Variants in PAX8 observed in about 807,000 individuals in gnomAD.
PAX8 encodes paired box protein Pax-8.
A neutral mutation model predicts 52.4 loss-of-function variants in PAX8; 15 were observed. That is an observed-to-expected ratio of 0.29 (90% CI 0.19 to 0.44). The LOEUF is 0.44. Among genes scored for constraint, PAX8 ranks in the 20% least tolerant of loss-of-function variants. The pLI is 1.00. For synonymous variants in PAX8, 284 were observed against 249.7 expected, an observed-to-expected ratio of 1.14 and a Z score of -1.29; for missense variants, 554 against 602.5, an observed-to-expected ratio of 0.92 and a Z score of 0.84.
intron 2 of PAX8, chr2:113,255,325 G>A (rs1202513285): frequency 1.5e-5 from 2 of 136,950 alleles, no homozygotes; most frequent in African/African-American, 5.5e-5. Context: ...GAGGAGGGAG[G>A]CAGATCTACA....
intron 2 of PAX8, among the ~76,000 whole-genome samples, chr2:113,254,535 C>T (rs1049906021): frequency 1.6e-4 from 25 of 152,158 alleles, no homozygotes; most frequent in African/African-American, 5.8e-4. Context: ...CTCAAGTGAA[C>T]CTTTGCTACC....
chr2:113,239,025 A>G (rs935113222), intron 7 of PAX8: 6 of 151,286 alleles, frequency 4.0e-5, no homozygotes, highest in African/African-American at 1.5e-4. Flanking sequence ...AATAGCAACC[A>G]GGAATAAGGC....
At chr2:113,220,802 G>A (rs938545916) in intron 10 of PAX8, among the ~76,000 whole-genome samples, 1 of 152,206 alleles carries the variant, frequency 6.6e-6, no homozygotes, top group Non-Finnish European at 1.5e-5. Flanking sequence ...TCAGGAAGCT[G>A]TGTCCTGGGA....
At chr2:113,264,010 C>T (rs1245520231) in intron 2 of PAX8, among the ~76,000 whole-genome samples, 1 of 152,220 alleles carries the variant, frequency 6.6e-6, no homozygotes, top group Non-Finnish European at 1.5e-5. Context: ...TTGTGAAGCA[C>T]TTAGTATATG....
rs148709238 is a variant in PAX8 at position 113,254,766 on chromosome 2, A to G, written c.26-7847T>C. Among the ~76,000 whole-genome samples the G allele has an allele frequency of 3.4e-4, 52 of 152,254 alleles. 1 individual carries two copies. In the East Asian group the frequency reaches 6.6e-3, roughly 19 times the overall value. ...CCCTAACAACACAGAATTGCTTGCC[A>G]TTCTTTCGCTGCATCTGAATCCTCT... On this transcript the variant is annotated intron_variant, in intron 2 of 11. Coordinates refer to ENST00000429538, the MANE Select transcript of PAX8 (RefSeq NM_003466.4).
intron 2 of PAX8, chr2:113,266,563 G>A (rs1450567053): frequency 6.6e-6 from 1 of 152,226 alleles, no homozygotes; most frequent in Non-Finnish European, 1.5e-5. Context: ...AGAGTGGGGA[G>A]CTATGGCCAC....
At chr2:113,232,494 G>T (rs964679561) in intron 9 of PAX8, among the ~76,000 whole-genome samples, 5 of 152,230 alleles carry the variant, frequency 3.3e-5, no homozygotes, top group African/African-American at 1.2e-4. Context: ...CAGCCTGAAA[G>T]ATATGCCGGT....
intron 2 of PAX8, among the ~76,000 whole-genome samples, chr2:113,251,839 A>G (rs1035354784): frequency 6.6e-6 from 1 of 152,194 alleles, no homozygotes; most frequent in African/African-American, 2.4e-5. Context: ...CCTTTGCACA[A>G]ATTCCTATCA....
At chr2:113,235,728 G>C in intron 8 of PAX8, 146 bp from the exon 9 acceptor site, 1 of 630,390 alleles carries the variant, frequency 1.6e-6, no homozygotes, top group Non-Finnish European at 2.7e-6. Context: ...GGGGAGAGCC[G>C]GGGCCCACGA....
chr2:113,260,878 T>TTG (rs34240850), intron 2 of PAX8, among the ~76,000 whole-genome samples: 4,180 of 148,196 alleles, frequency 0.028, 132 homozygotes, highest in African/African-American at 0.089. Flanking sequence ...AGTGACTGTT[T>TTG]TGTGTGTGTG....
chr2:113,238,774 G>A (rs943059205), intron 7 of PAX8: 9 of 152,176 alleles, frequency 5.9e-5, no homozygotes, highest in Non-Finnish European at 8.8e-5. Context: ...TGAGGCTGAC[G>A]TAAGCATTAC....
chr2:113,253,486 C>A (rs1691946597), intron 2 of PAX8, among the ~76,000 whole-genome samples: 1 of 152,246 alleles, frequency 6.6e-6, no homozygotes, highest in Admixed American at 6.5e-5. Context: ...TTCCACTCAA[C>A]CTCCTGCCAC....
In PAX8 at chr2:113,227,070, C is replaced by T. The variant is rs1208634733; in HGVS notation, c.1189+85G>A. On this transcript the variant is annotated intron_variant, in intron 10 of 11. Coordinates refer to ENST00000429538, the MANE Select transcript of PAX8 (RefSeq NM_003466.4). ...CTTTGGGAAGTCTATGAATAGGGCA[C>T]AGTATGCCTCTTGCTCCTTGTGTCC... 3.3e-6 allele frequency: 5 copies of T among 1,536,606 alleles called. No homozygotes were observed. The African/African-American group carries it at 5.5e-5, about 17-fold the overall frequency.
chr2:113,250,601 T>C (rs2104521681), intron 2 of PAX8, among the ~76,000 whole-genome samples: 1 of 152,362 alleles, frequency 6.6e-6, no homozygotes, highest in Non-Finnish European at 1.5e-5. Flanking sequence ...GGTCACACTT[T>C]GAAAACCACT....
intron 7 of PAX8, 95 bp from the exon 8 acceptor site, chr2:113,236,816 A>T: frequency 6.9e-7 from 1 of 1,447,198 alleles, no homozygotes; most frequent in Non-Finnish European, 9.3e-7. Flanking sequence ...GGCAGCCCTC[A>T]TCTCCCCAGG....
intron 2 of PAX8, chr2:113,250,942 C>G (rs1356837618): frequency 6.6e-6 from 1 of 152,176 alleles, no homozygotes; most frequent in Non-Finnish European, 1.5e-5. Flanking sequence ...TAGAGGGAAG[C>G]TGCAAGGAAG....
At chr2:113,236,994 G>A in intron 7 of PAX8, 4 of 491,782 alleles carry the variant, frequency 8.1e-6, no homozygotes, top group Non-Finnish European at 1.1e-5. Flanking sequence ...CTGGTTGGAT[G>A]GCTGGTCGGC....
chr2:113,262,545 C>T (rs1692765350), intron 2 of PAX8, among the ~76,000 whole-genome samples: 1 of 152,160 alleles, frequency 6.6e-6, no homozygotes, highest in Non-Finnish European at 1.5e-5. Flanking sequence ...ACTAAGGAGA[C>T]ACAATACTTA....
chr2:113,243,276 C>T (rs1288488885), intron 4 of PAX8, among the ~76,000 whole-genome samples: 2 of 152,198 alleles, frequency 1.3e-5, no homozygotes, highest in Non-Finnish European at 2.9e-5. Context: ...GCTTTATGAC[C>T]AAAGGCAAGA....
Sources: allele counts gnomAD v4.1 joint callset (sites outside exome capture counted in the v4.1 genomes callset), GRCh38; gene constraint gnomAD v4.1.1; transcripts MANE v1.5; gene names NCBI Gene and HGNC (gene_info 2026-07-23, HGNC 2026-07-21).